YAP1: variants seen among roughly 807,000 people sequenced by gnomAD.
YAP1 encodes the protein transcriptional coactivator YAP1.
YAP1 carries 5 observed loss-of-function variants against 56.9 expected under a neutral mutation model. The observed-to-expected ratio is 0.09, with a 90% CI of 0.05 to 0.18. The LOEUF (loss-of-function observed/expected upper bound fraction) is 0.18. Among genes scored for constraint, YAP1 ranks in the 10% least tolerant of loss-of-function variants. The pLI is 1.00. For missense variants in YAP1, 539 were observed against 651.8 expected (o/e 0.83, Z 1.88); for synonymous variants, 265 against 248.1 (o/e 1.07, Z -0.64).
intron 3 of YAP1, among the ~76,000 whole-genome samples, chr11:102,185,737 A>G (rs1014800597): frequency 5.3e-5 from 8 of 152,052 alleles, no homozygotes; most frequent in Non-Finnish European, 1.0e-4. Flanking sequence ...AGTAATAGTA[A>G]TTATTTGGGC....
At position 102,141,984 on chromosome 11, in the gene YAP1, A is replaced by C. The variant is rs945351940; in HGVS notation, c.573-20472A>C. ...TCTAAAATGCTGTGAAATTCAATAG[A>C]TTTCCTGTGAATTCTCAAGTCTATA... On this transcript the variant is annotated intron_variant, in intron 2 of 8. Coordinates refer to ENST00000282441, the MANE Select transcript of YAP1 (RefSeq NM_001130145.3). Among the ~76,000 whole-genome samples, 3 of 152,216 alleles carry C rather than the reference A, an allele frequency of 2.0e-5. No individual in the cohort carries two copies. In the South Asian group the frequency reaches 6.2e-4, roughly 31 times the overall value.
intron 2 of YAP1, among the ~76,000 whole-genome samples, 194 bp from the exon 3 acceptor site, chr11:102,162,262 T>A (rs1195636573): frequency 6.6e-6 from 1 of 152,190 alleles, no homozygotes; most frequent in Non-Finnish European, 1.5e-5. Flanking sequence ...TTGTAAGATC[T>A]AAGAGTTGAA....
intron 4 of YAP1, among the ~76,000 whole-genome samples, chr11:102,191,613 A>G (rs906424824): frequency 6.6e-6 from 1 of 152,184 alleles, no homozygotes; most frequent in African/African-American, 2.4e-5. Flanking sequence ...TGCATCTTGT[A>G]TTGTGACTCA....
At chr11:102,207,463 A>G (rs1397386456) in intron 5 of YAP1, among the ~76,000 whole-genome samples, 1 of 151,896 alleles carries the variant, frequency 6.6e-6, no homozygotes, top group Admixed American at 6.6e-5. Flanking sequence ...AGGCCGAGGC[A>G]GGAGGTTTGC....
At chr11:102,195,337 G>A (rs1191242545) in intron 4 of YAP1, among the ~76,000 whole-genome samples, 1 of 152,104 alleles carries the variant, frequency 6.6e-6, no homozygotes, top group Non-Finnish European at 1.5e-5. Flanking sequence ...ACATTATAAT[G>A]AATTTTTATG....
intron 2 of YAP1, among the ~76,000 whole-genome samples, chr11:102,151,428 G>T (rs949035663): frequency 2.0e-5 from 3 of 152,110 alleles, no homozygotes; most frequent in African/African-American, 7.2e-5. Context: ...GCCTTCAGAG[G>T]CTGTCACCTT....
chr11:102,128,100 T>C (rs2135209774), intron 2 of YAP1, among the ~76,000 whole-genome samples: 1 of 152,270 alleles, frequency 6.6e-6, no homozygotes, highest in Admixed American at 6.5e-5. Context: ...CTTTGGACTG[T>C]GGACTTTTGG....
chr11:102,167,082 T>C (rs1253308410), intron 3 of YAP1, among the ~76,000 whole-genome samples: 1 of 152,232 alleles, frequency 6.6e-6, no homozygotes, highest in African/African-American at 2.4e-5. Flanking sequence ...TGGTAGATAC[T>C]ACATATAGCC....
chr11:102,196,575 A>G (rs900163822), intron 4 of YAP1, among the ~76,000 whole-genome samples: 3 of 151,462 alleles, frequency 2.0e-5, no homozygotes, highest in Non-Finnish European at 2.9e-5. Context: ...GGCAGTAGGT[A>G]GTGAACTGCT....
At chr11:102,172,203 TAAAAG>T (rs1946943152) in intron 3 of YAP1, among the ~76,000 whole-genome samples, 1 of 140,422 alleles carries the variant, frequency 7.1e-6, no homozygotes, top group Non-Finnish European at 1.5e-5. Flanking sequence ...CAAAAAAAAA[TAAAAG>T]AAAAAGTTGT....
chr11:102,150,077 T>G (rs553547301), intron 2 of YAP1, among the ~76,000 whole-genome samples: 2 of 142,400 alleles, frequency 1.4e-5, no homozygotes, highest in South Asian at 4.7e-4. Context: ...TTCCGTCTAG[T>G]GGATTCAAGC....
At chr11:102,161,335 G>A (rs1946270765) in intron 2 of YAP1, among the ~76,000 whole-genome samples, 1 of 133,264 alleles carries the variant, frequency 7.5e-6, no homozygotes, top group South Asian at 2.6e-4. Context: ...GTCTTTCTGT[G>A]TACTTTCACT....
intron 3 of YAP1, among the ~76,000 whole-genome samples, chr11:102,170,478 T>C (rs931059882): frequency 6.6e-6 from 1 of 152,156 alleles, no homozygotes; most frequent in Non-Finnish European, 1.5e-5. Flanking sequence ...CCAGATAAGG[T>C]AATTCTTTCC....
chr11:102,220,605 A>G (rs1218007512), intron 6 of YAP1, among the ~76,000 whole-genome samples: 2 of 152,164 alleles, frequency 1.3e-5, no homozygotes, highest in East Asian at 3.9e-4. Context: ...GAGAAAAAAA[A>G]ATAAGATACC....
intron 5 of YAP1, among the ~76,000 whole-genome samples, chr11:102,208,228 G>A (rs1259918464): frequency 6.6e-6 from 1 of 152,050 alleles, no homozygotes; most frequent in East Asian, 1.9e-4. Context: ...ATCATTTACT[G>A]CCCTTCAAAA....
At chr11:102,143,598 T>C (rs373207748) in intron 2 of YAP1, among the ~76,000 whole-genome samples, 3 of 152,342 alleles carry the variant, frequency 2.0e-5, no homozygotes, top group South Asian at 4.1e-4. Context: ...GTGATACTAC[T>C]ACTACATAAA....
At chr11:102,183,522 G>T (rs1444045280) in intron 3 of YAP1, among the ~76,000 whole-genome samples, 1 of 152,192 alleles carries the variant, frequency 6.6e-6, no homozygotes, top group East Asian at 1.9e-4. Context: ...GGTCAAAAAA[G>T]AGAGCTGGTA....
chr11:102,216,551 G>A (rs968172215), intron 6 of YAP1, among the ~76,000 whole-genome samples: 3 of 151,990 alleles, frequency 2.0e-5, no homozygotes, highest in African/African-American at 7.3e-5. Flanking sequence ...TTCATAATTG[G>A]GTAAATCTGG....
At chr11:102,200,948 C>T (rs369418583) in intron 4 of YAP1, among the ~76,000 whole-genome samples, 14 of 152,274 alleles carry the variant, frequency 9.2e-5, no homozygotes, top group African/African-American at 3.1e-4. Context: ...GGCAAAAAAG[C>T]ACTCTTACAT....
Sources: allele counts gnomAD v4.1 joint callset (sites outside exome capture counted in the v4.1 genomes callset), GRCh38; gene constraint gnomAD v4.1.1; transcripts MANE v1.5; gene names NCBI Gene and HGNC (gene_info 2026-07-23, HGNC 2026-07-21).